E2F5: variants seen among roughly 807,000 people sequenced by gnomAD.
E2F5 encodes transcription factor E2F5.
In E2F5, 23 loss-of-function variants were observed where a neutral mutation model predicts 39.1. The observed-to-expected ratio is 0.59, with a 90% CI of 0.42 to 0.83. E2F5 has a LOEUF of 0.83. Ranked by LOEUF, E2F5 falls within the 40% of genes least tolerant of loss-of-function variation. E2F5 has a pLI of 0.00. For synonymous variants in E2F5, 145 were observed against 157.8 expected, an observed-to-expected ratio of 0.92 and a Z score of 0.61; for missense variants, 365 against 406.7, an observed-to-expected ratio of 0.90 and a Z score of 0.88.
chr8:85,182,794 G>A (rs1191230573), intron 1 of E2F5, among the ~76,000 whole-genome samples: 3 of 152,142 alleles, frequency 2.0e-5, no homozygotes, highest in East Asian at 3.9e-4. Context: ...TAAGCATGAT[G>A]AAGATTGCTT....
chr8:85,200,284 A>T, intron 1 of E2F5: 1 of 958,712 alleles, frequency 1.0e-6, no homozygotes, highest in Non-Finnish European at 1.2e-6. Context: ...CTAAAATAAA[A>T]CCCTCCTGGA....
intron 6 of E2F5, among the ~76,000 whole-genome samples, chr8:85,209,955 C>T (rs780155062): frequency 3.3e-5 from 5 of 152,188 alleles, no homozygotes; most frequent in Non-Finnish European, 7.3e-5. Flanking sequence ...ATGGTCTCAA[C>T]TCCAATTATG....
At chr8:85,180,506 CTATACATATATATATATATATATATA>C (rs1263354000) in intron 1 of E2F5, among the ~76,000 whole-genome samples, 5 of 62,512 alleles carry the variant, frequency 8.0e-5, no homozygotes, top group East Asian at 6.5e-4. Flanking sequence ...GTTAAAGAAA[CTATACATATATATATATATATATATA>C]TATATATATA....
intron 2 of E2F5, 97 bp downstream of exon 2, chr8:85,202,353 A>G: frequency 1.1e-6 from 1 of 874,932 alleles, no homozygotes; most frequent in Non-Finnish European, 1.7e-6. Flanking sequence ...CAAATCCTCT[A>G]TTTCAGTCAG....
In E2F5 at chr8:85,209,312, A is replaced by G. The variant is rs1339150674; in HGVS notation, c.786A>G (p.Pro262=). Residue 262 remains proline, a synonymous_variant, in exon 6 of 8, where the codon CCA becomes CCG. Coordinates refer to ENST00000416274, the MANE Select transcript of E2F5 (RefSeq NM_001951.4). ...PSSQSLTPVT[P]QKSSMATQNL... Reference sequence around the variant, plus strand: ...CCCAGTCCTTGACTCCAGTGACTCCACAGAAATCCAGCATGGCAACTCAAA... The same window carrying G: ...CCCAGTCCTTGACTCCAGTGACTCCGCAGAAATCCAGCATGGCAACTCAAA... The G allele has an allele frequency of 1.9e-6, 3 of 1,613,964 alleles. No individual in the cohort carries two copies. Among genetic ancestry groups the G allele is most frequent in the Admixed American group, 1.7e-5 (1 of 60,016 alleles).
At chr8:85,184,770 T>C (rs199854703) in intron 1 of E2F5, among the ~76,000 whole-genome samples, 6 of 152,082 alleles carry the variant, frequency 3.9e-5, no homozygotes, top group African/African-American at 1.2e-4. Context: ...CAATTGCTAC[T>C]AAGAGAATAA....
chr8:85,192,967 T>A (rs921290927), intron 1 of E2F5, among the ~76,000 whole-genome samples: 1 of 152,294 alleles, frequency 6.6e-6, no homozygotes, highest in East Asian at 1.9e-4. Flanking sequence ...TCAAAATGAG[T>A]TTTTATTTTT....
rs1587476025 is a variant in E2F5 at position 85,177,303 on chromosome 8, A to C, written c.-118A>C. ...TTGTTTGCAGCAGCCAGCGACCCGC[A>C]CTACCGCTCTCGGCGGGCGGGGAAG... On this transcript the variant is annotated 5_prime_UTR_variant, in exon 1 of 8. Transcript: ENST00000416274. The C allele has an allele frequency of 2.3e-6, 2 of 859,982 alleles. No individual in the cohort carries two copies. Among genetic ancestry groups the C allele is most frequent in the Non-Finnish European group, 2.8e-6 (2 of 715,464 alleles). 53.3% of individuals were successfully genotyped at this position (859,982 alleles called of 1,614,324 possible).
intron 5 of E2F5, among the ~76,000 whole-genome samples, chr8:85,207,834 A>G (rs1019861938): frequency 2.0e-5 from 3 of 152,222 alleles, no homozygotes; most frequent in Admixed American, 6.5e-5. Flanking sequence ...TCTTCAGGCT[A>G]TGTGAATAAG....
intron 7 of E2F5, 39 bp downstream of exon 7, chr8:85,212,243 A>G (rs778571444): frequency 8.5e-6 from 12 of 1,408,032 alleles, no homozygotes; most frequent in South Asian, 1.2e-5. Context: ...CTTATCAGTA[A>G]TGCTTCTGTG....
intron 6 of E2F5, among the ~76,000 whole-genome samples, chr8:85,211,319 G>A (rs1269700385): frequency 6.6e-6 from 1 of 151,832 alleles, no homozygotes; most frequent in East Asian, 1.9e-4. Flanking sequence ...TGGGAGGATT[G>A]CAAGCCTGGG....
chr8:85,194,123 C>T (rs887617351), intron 1 of E2F5, among the ~76,000 whole-genome samples: 6 of 151,908 alleles, frequency 3.9e-5, no homozygotes, highest in African/African-American at 1.5e-4. Flanking sequence ...TTGAGATAGT[C>T]TAATCTTTTT....
intron 1 of E2F5, among the ~76,000 whole-genome samples, chr8:85,180,356 G>A (rs1812176114): frequency 6.6e-6 from 1 of 151,548 alleles, no homozygotes; most frequent in African/African-American, 2.4e-5. Flanking sequence ...ATTAAAGATG[G>A]ACTCACACTG....
rs1812728673 is a variant in E2F5, at chr8:85,203,097, T to C, written c.348T>C (p.Gly116=). ...TTAATTCTCATATGTTTTTAAGAGG[T>C]GTAGGTGCTGGCTGTAATACTAAAG... The part of the protein sequence containing the change: ...KKSKNSIQWK[G]VGAGCNTKEV... The change falls in exon 3 of 8, where the codon GGT becomes GGC. Residue 116 remains glycine (G), a synonymous_variant. Transcript: ENST00000416274. The C allele has an allele frequency of 1.4e-5, 22 of 1,527,002 alleles. No homozygotes were observed. Among genetic ancestry groups the C allele is most frequent in the Non-Finnish European group, 1.9e-5 (22 of 1,135,942 alleles). 94.6% of individuals were successfully genotyped at this position (1,527,002 alleles called of 1,614,324 possible). A position where few individuals can be genotyped will look rare whatever the true frequency, so the allele number is the denominator to read the frequency against.
intron 1 of E2F5, among the ~76,000 whole-genome samples, chr8:85,201,357 A>G (rs1812695454): frequency 6.6e-6 from 1 of 152,236 alleles, no homozygotes; most frequent in Admixed American, 6.5e-5. Context: ...CTCCACATTC[A>G]AAATAGGCTA....
intron 6 of E2F5, 28 bp downstream of exon 6, chr8:85,209,437 T>G (rs2129753701): frequency 6.4e-7 from 1 of 1,559,224 alleles, no homozygotes. Context: ...CTTTTGTAAA[T>G]TAGAGAGGGA....
intron 1 of E2F5, among the ~76,000 whole-genome samples, chr8:85,184,903 G>A (rs932131929): frequency 6.6e-6 from 1 of 152,156 alleles, no homozygotes; most frequent in African/African-American, 2.4e-5. Context: ...CTCATGGATA[G>A]GAAGAATCAA....
chr8:85,191,422 T>G (rs766902938), intron 1 of E2F5, among the ~76,000 whole-genome samples: 4 of 152,166 alleles, frequency 2.6e-5, no homozygotes, highest in Non-Finnish European at 4.4e-5. Context: ...AAATAGAATT[T>G]GAGTGTTCTT....
intron 7 of E2F5, 69 bp downstream of exon 7, chr8:85,212,273 G>A (rs1298052988): frequency 8.5e-7 from 1 of 1,173,046 alleles, no homozygotes; most frequent in Non-Finnish European, 1.3e-6. Flanking sequence ...AGTGAAACAT[G>A]ATTTAAAAGA....
Sources: gnomAD v4.1 joint callset for allele counts (sites outside exome capture counted in the v4.1 genomes callset) on GRCh38, gnomAD v4.1.1 for gene constraint, MANE v1.5 for transcripts, NCBI Gene and HGNC (gene_info 2026-07-23, HGNC 2026-07-21) for gene names.